YTHDF3: variants seen among roughly 807,000 people sequenced by gnomAD.
YTHDF3 encodes the protein YTH N6-methyladenosine RNA binding protein F3.
Under a neutral mutation model 52.5 loss-of-function variants are expected in YTHDF3, and 9 were observed. That is an observed-to-expected ratio of 0.17 (90% CI 0.10 to 0.30). YTHDF3 has a LOEUF of 0.30. Among genes scored for constraint, YTHDF3 ranks in the 10% least tolerant of loss-of-function variants. The pLI, the probability that YTHDF3 is intolerant of heterozygous loss-of-function variation, is 1.00. For missense variants in YTHDF3, 534 were observed against 715.0 expected, an observed-to-expected ratio of 0.75 and a Z score of 2.89; for synonymous variants, 274 against 243.3, an observed-to-expected ratio of 1.13 and a Z score of -1.18.
chr8:63,169,660 G>C (rs1807154245), intron 2 of YTHDF3, among the ~76,000 whole-genome samples: 2 of 152,200 alleles, frequency 1.3e-5, no homozygotes, highest in Admixed American at 6.5e-5. Flanking sequence ...GTATTGGTGT[G>C]AACCTGGTGG....
chr8:63,209,097 A>G (rs1297941602), intron 4 of YTHDF3, among the ~76,000 whole-genome samples: 1 of 151,890 alleles, frequency 6.6e-6, no homozygotes, highest in African/African-American at 2.4e-5. Flanking sequence ...TGAACTCCTG[A>G]CCTCAGTTGA....
At chr8:63,169,502 C>G (rs1807138993) in intron 2 of YTHDF3, 91 bp downstream of exon 2, 2 of 1,386,742 alleles carry the variant, frequency 1.4e-6, no homozygotes, top group African/African-American at 1.5e-5. Context: ...TTTTTGCTCC[C>G]TCTTGGGAAA....
chr8:63,179,999 T>C (rs1318373295), intron 3 of YTHDF3, among the ~76,000 whole-genome samples: 3 of 141,474 alleles, frequency 2.1e-5, no homozygotes, highest in African/African-American at 8.0e-5. Flanking sequence ...CCCTCCCGGA[T>C]GGGGCGGCTG....
chr8:63,178,680 A>G (rs1057172313), intron 3 of YTHDF3, among the ~76,000 whole-genome samples: 5 of 152,362 alleles, frequency 3.3e-5, no homozygotes, highest in Admixed American at 3.3e-4. Flanking sequence ...TATCTCTAAC[A>G]AGATACATAT....
In YTHDF3 at chr8:63,210,436, A is replaced by G. The variant is rs1008941296; in HGVS notation, c.*730A>G. 6.6e-6 allele frequency: 1 copy of G among 152,548 alleles called. No homozygotes were observed. Among genetic ancestry groups the G allele is most frequent in the African/African-American group, 2.4e-5 (1 of 41,428 alleles). 9.4% of individuals were successfully genotyped at this position (152,548 alleles called of 1,614,324 possible). ...AAAATGTGCATTTGTCTGAGGAATT[A>G]TTTTGTTTGCTACCACTTAATGAAT... On this transcript the variant is annotated 3_prime_UTR_variant, in exon 5 of 5. Coordinates refer to ENST00000539294, the MANE Select transcript of YTHDF3 (RefSeq NM_152758.6).
intron 4 of YTHDF3, among the ~76,000 whole-genome samples, chr8:63,208,511 C>G (rs774323715): frequency 6.6e-6 from 1 of 152,182 alleles, no homozygotes; most frequent in Non-Finnish European, 1.5e-5. Flanking sequence ...CCAGAACCAC[C>G]TGTGAACTTG....
chr8:63,211,053 T>C lies in YTHDF3; in HGVS notation c.*1347T>C, dbSNP rs958707390. The C allele has an allele frequency of 6.6e-6, 1 of 152,608 alleles. No homozygotes were observed. Among genetic ancestry groups the C allele is most frequent in the Non-Finnish European group, 1.5e-5 (1 of 67,986 alleles). The allele number at this position is 152,608 out of a possible 1,614,324, so 9.5% of individuals were successfully genotyped here. A position where few individuals can be genotyped will look rare whatever the true frequency, so the allele number is the denominator to read the frequency against. ...AATACAGTAGATTTGAATACCTTGA[T>C]GTTTTGCATTACTTCATTTATGTTT... On this transcript the variant is annotated 3_prime_UTR_variant, in exon 5 of 5. Coordinates refer to ENST00000539294, the MANE Select transcript of YTHDF3 (RefSeq NM_152758.6).
At chr8:63,179,914 G>A (rs1807974573) in intron 3 of YTHDF3, among the ~76,000 whole-genome samples, 1 of 151,286 alleles carries the variant, frequency 6.6e-6, no homozygotes, top group African/African-American at 2.4e-5. Flanking sequence ...CTTCCCAGTA[G>A]GGGCGGCCGG....
intron 3 of YTHDF3, among the ~76,000 whole-genome samples, chr8:63,178,950 A>G (rs533214709): frequency 6.6e-6 from 1 of 152,332 alleles, no homozygotes; most frequent in East Asian, 1.9e-4. Flanking sequence ...CATACACTGT[A>G]CACAGTGTGT....
rs189006545 is a variant in YTHDF3, at chr8:63,170,176, T to G, written c.49+765T>G. On this transcript the variant is annotated intron_variant, in intron 2 of 4. Transcript: ENST00000539294. ...TAGAACAATAACTGCTTTCTTGGGA[T>G]AGTGCCAATTAAATAACATCAGAGC... 4.3e-3 allele frequency among the ~76,000 whole-genome samples: 651 copies of G among 152,320 alleles called. 1 individual carries two copies. Among genetic ancestry groups the G allele is most frequent in the Middle Eastern group, 0.01 (3 of 294 alleles).
chr8:63,192,408 T>C (rs980258146), intron 4 of YTHDF3, among the ~76,000 whole-genome samples: 1 of 152,196 alleles, frequency 6.6e-6, no homozygotes, highest in African/African-American at 2.4e-5. Flanking sequence ...ATGCTGTAAA[T>C]TGATTTTACC....
intron 2 of YTHDF3, among the ~76,000 whole-genome samples, chr8:63,174,934 A>G (rs1807585235): frequency 6.6e-6 from 1 of 152,218 alleles, no homozygotes; most frequent in South Asian, 2.1e-4. Context: ...AAGGTAGAGA[A>G]CATTCAGAAA....
chr8:63,188,767 G>T (rs1474206936), intron 4 of YTHDF3: 3 of 126,896 alleles, frequency 2.4e-5, no homozygotes, highest in African/African-American at 8.9e-5. Context: ...AGGCTGGAGT[G>T]CAATGGAGTG....
At chr8:63,179,158 A>C (rs1014620390) in intron 3 of YTHDF3, among the ~76,000 whole-genome samples, 2 of 151,870 alleles carry the variant, frequency 1.3e-5, no homozygotes, top group African/African-American at 4.8e-5. Flanking sequence ...TCTATTTTGT[A>C]GTGTTCAGTT....
At chr8:63,209,201 C>T (rs558188355) in intron 4 of YTHDF3, among the ~76,000 whole-genome samples, 5 of 152,212 alleles carry the variant, frequency 3.3e-5, no homozygotes, top group Admixed American at 6.5e-5. Context: ...AGTTATCTAT[C>T]GTGTGCTGAA....
chr8:63,170,354 TTTGCTA>T (rs773362460), intron 2 of YTHDF3, among the ~76,000 whole-genome samples: 4 of 152,192 alleles, frequency 2.6e-5, no homozygotes, highest in Non-Finnish European at 5.9e-5. Context: ...AGGGTATTTA[TTTGCTA>T]TTGCAAATTT....
Position 63,207,691 on chromosome 8 carries a change from C to T in YTHDF3, c.1735-1992C>T, listed in dbSNP as rs553115305. 2.0e-5 allele frequency among the ~76,000 whole-genome samples: 3 copies of T among 152,258 alleles called. No individual in the cohort carries two copies. In the South Asian group the frequency reaches 6.2e-4, roughly 32 times the overall value. ...CTCATTGTTACAACCGATCATCTCA[C>T]TGGCATTAAACTACTCTTTGTCTGA... On this transcript the variant is annotated intron_variant, in intron 4 of 4. Coordinates refer to ENST00000539294, the MANE Select transcript of YTHDF3 (RefSeq NM_152758.6).
At chr8:63,173,278 C>G (rs1378283251) in intron 2 of YTHDF3, among the ~76,000 whole-genome samples, 2 of 141,376 alleles carry the variant, frequency 1.4e-5, no homozygotes, top group Admixed American at 1.4e-4. Flanking sequence ...GAGTCTCACT[C>G]TGTACCCCAG....
chr8:63,199,648 G>A (rs1014867962), intron 4 of YTHDF3, among the ~76,000 whole-genome samples: 1 of 152,190 alleles, frequency 6.6e-6, no homozygotes, highest in Non-Finnish European at 1.5e-5. Context: ...TAAGGTATGT[G>A]TGTCCAAGGA....
Sources: allele counts gnomAD v4.1 joint callset (sites outside exome capture counted in the v4.1 genomes callset), GRCh38; gene constraint gnomAD v4.1.1; transcripts MANE v1.5; gene names NCBI Gene and HGNC (gene_info 2026-07-23, HGNC 2026-07-21).